The following TIAM1 variants were observed in gnomAD, a reference collection of about 807,000 sequenced individuals.
TIAM1 encodes the protein TIAM Rac1 associated GEF 1, also known as rho guanine nucleotide exchange factor TIAM1.
Under a neutral mutation model 163.5 loss-of-function variants are expected in TIAM1, and 65 were observed. That is an observed-to-expected ratio of 0.40 (90% CI 0.33 to 0.49). TIAM1 has a LOEUF of 0.49. TIAM1 is among the 20% of genes least tolerant of loss of function. The probability of loss-of-function intolerance (pLI) is 0.77; values close to 1 mark genes in which losing one functional copy is unlikely to be tolerated. For missense variants in TIAM1, 1,789 were observed against 2,044.7 expected (o/e 0.87, Z 2.41); for synonymous variants, 833 against 810.1 (o/e 1.03, Z -0.48).
At chr21:31,446,952 T>C (rs1366791185) in intron 2 of TIAM1, among the ~76,000 whole-genome samples, 3 of 152,236 alleles carry the variant, frequency 2.0e-5, no homozygotes, top group Non-Finnish European at 4.4e-5. Context: ...AATTCTGGTT[T>C]GCAAAACCAT....
chr21:31,325,391 G>A (rs1387012220), intron 2 of TIAM1, among the ~76,000 whole-genome samples: 1 of 151,918 alleles, frequency 6.6e-6, no homozygotes, highest in African/African-American at 2.4e-5. Flanking sequence ...GAAGGGGCCA[G>A]GTGCAGTGGC....
intron 13 of TIAM1, among the ~76,000 whole-genome samples, chr21:31,192,144 A>T (rs772537320): frequency 2.0e-5 from 3 of 152,210 alleles, no homozygotes; most frequent in Non-Finnish European, 4.4e-5. Flanking sequence ...GTCAAGAAAT[A>T]AACAGCATAA....
chr21:31,556,847 C>T (rs999090956), intron 1 of TIAM1, among the ~76,000 whole-genome samples: 4 of 152,224 alleles, frequency 2.6e-5, no homozygotes, highest in Admixed American at 1.3e-4. Flanking sequence ...AAGGCATCCA[C>T]CCTCCCTAGC....
chr21:31,146,828 C>G (rs1252945058), intron 20 of TIAM1, 67 bp downstream of exon 20: 4 of 1,351,016 alleles, frequency 3.0e-6, no homozygotes, highest in Non-Finnish European at 3.2e-6. Flanking sequence ...CCAAAAGCCC[C>G]CAACCACTGT....
At chr21:31,212,092 A>C (rs61470183) in intron 10 of TIAM1, among the ~76,000 whole-genome samples, 3,798 of 152,314 alleles carry the variant, frequency 0.025, 163 homozygotes, top group African/African-American at 0.085. Context: ...TTCATCAGAC[A>C]GAGATGCTCA....
rs915959565 is a variant in TIAM1, at chr21:31,528,978, G to A, written c.-422+29949C>T. Among the ~76,000 whole-genome samples the A allele has an allele frequency of 2.1e-5, 3 of 145,142 alleles. No individual in the cohort carries two copies. In the South Asian group the frequency reaches 6.6e-4, roughly 32 times the overall value. On this transcript the variant is annotated intron_variant, in intron 1 of 28. Transcript: ENST00000286827. ...TCTCAGTCGCCCAGGCTGGAGTGCA[G>A]TGGCGCGATCTCAGCTCACTACAAG...
At chr21:31,140,641 CA>C (rs2082804886) in intron 22 of TIAM1, among the ~76,000 whole-genome samples, 1 of 152,196 alleles carries the variant, frequency 6.6e-6, no homozygotes, top group Non-Finnish European at 1.5e-5. Context: ...AAGTCTTTCT[CA>C]GGTGTATCTG....
chr21:31,138,841 C>T (rs1286503904), intron 22 of TIAM1, among the ~76,000 whole-genome samples: 1 of 152,148 alleles, frequency 6.6e-6, no homozygotes. Context: ...ATTTCCTGCT[C>T]GTTTGTCTTA....
chr21:31,181,450 C>T (rs1033141272), intron 15 of TIAM1, among the ~76,000 whole-genome samples: 29 of 149,766 alleles, frequency 1.9e-4, no homozygotes, highest in Admixed American at 4.0e-4. Context: ...GTGGCACTCA[C>T]GCTGCTTCTA....
chr21:31,492,856 A>G (rs1417103476), intron 1 of TIAM1, among the ~76,000 whole-genome samples: 1 of 152,090 alleles, frequency 6.6e-6, no homozygotes, highest in East Asian at 1.9e-4. Context: ...TATCATATAT[A>G]TACTGATTCC....
chr21:31,203,478 T>G (rs976793531), intron 11 of TIAM1, among the ~76,000 whole-genome samples: 1 of 152,248 alleles, frequency 6.6e-6, no homozygotes, highest in African/African-American at 2.4e-5. Context: ...CTTAAAAAGT[T>G]TACATCGTAA....
intron 13 of TIAM1, among the ~76,000 whole-genome samples, chr21:31,189,523 T>C (rs970306374): frequency 1.3e-5 from 2 of 152,096 alleles, no homozygotes; most frequent in Admixed American, 6.5e-5. Context: ...ATCTCTATGA[T>C]AGGAAAGAGG....
At chr21:31,454,088 T>C (rs936110758) in intron 2 of TIAM1, among the ~76,000 whole-genome samples, 1 of 152,230 alleles carries the variant, frequency 6.6e-6, no homozygotes, top group African/African-American at 2.4e-5. Context: ...TGCTGTACTT[T>C]TATCCAGACC....
At position 31,350,748 on chromosome 21, in the gene TIAM1, C is replaced by T. The variant is rs117380015; in HGVS notation, c.-368-11326G>A. ...CATGCTTCCTGTACAGCCTGCAGAA[C>T]CATGAGCCAATTAAACCTCTTTTCT... On this transcript the variant is annotated intron_variant, in intron 2 of 28. Transcript: ENST00000286827. Among the ~76,000 whole-genome samples, 876 of 152,350 alleles carry T rather than the reference C, an allele frequency of 5.7e-3. 4 individuals carry two copies. The highest frequency in any genetic ancestry group is 9.0e-3 in the Non-Finnish European group (612 of 68,036).
chr21:31,127,412 C>CTTTTT (rs199978005), intron 25 of TIAM1, among the ~76,000 whole-genome samples: 22 of 140,736 alleles, frequency 1.6e-4, no homozygotes, highest in Non-Finnish European at 2.0e-4. Flanking sequence ...ATGGACCGAA[C>CTTTTT]TTTTTTTTTT....
chr21:31,371,644 T>C (rs764721335), intron 2 of TIAM1, among the ~76,000 whole-genome samples: 8 of 152,172 alleles, frequency 5.3e-5, no homozygotes, highest in Non-Finnish European at 8.8e-5. Context: ...ACCACTTGGG[T>C]CATGATATTC....
chr21:31,438,795 A>T (rs1287530883), intron 2 of TIAM1, among the ~76,000 whole-genome samples: 1 of 152,130 alleles, frequency 6.6e-6, no homozygotes, highest in African/African-American at 2.4e-5. Flanking sequence ...TGTGCATTGT[A>T]GGATGTTTGG....
Position 31,120,961 on chromosome 21 carries a change from C to T in TIAM1, c.4307-124G>A. 1.2e-6 allele frequency: 1 copy of T among 863,218 alleles called. No homozygotes were observed. The highest frequency in any genetic ancestry group is 1.7e-6 in the Non-Finnish European group (1 of 575,894). The allele number at this position is 863,218 out of a possible 1,614,324, so 53.5% of individuals were successfully genotyped here. ...CGGTATGCATTGAATGCCTTGATGT[C>T]TTTTGGGGCTTAAAGTCTACATATC... On this transcript the variant is annotated intron_variant, in intron 27 of 27. Coordinates refer to ENST00000541036, the MANE Select transcript of TIAM1 (RefSeq NM_001353694.2). The surrounding 1 kb of genome is among the most constrained non-coding windows in gnomAD (Gnocchi z 4.2).
At chr21:31,449,928 G>T (rs563741865) in intron 2 of TIAM1, among the ~76,000 whole-genome samples, 1 of 152,316 alleles carries the variant, frequency 6.6e-6, no homozygotes, top group East Asian at 1.9e-4. Flanking sequence ...ATGCCTGGCA[G>T]GTTGGTTGAG....
Sources: gnomAD v4.1 joint callset for allele counts (sites outside exome capture counted in the v4.1 genomes callset) on GRCh38, gnomAD v4.1.1 for gene constraint, Gnocchi (gnomAD v3.1) non-coding constraint, MANE v1.5 for transcripts, NCBI Gene and HGNC (gene_info 2026-07-23, HGNC 2026-07-21) for gene names.